FBXO34: variants seen among roughly 807,000 people sequenced by gnomAD.
FBXO34 encodes F-box only protein 34.
A neutral mutation model predicts 24.5 loss-of-function variants in FBXO34; 12 were observed. The observed-to-expected ratio is 0.49, with a 90% CI of 0.31 to 0.79. FBXO34 has a LOEUF of 0.79. Among genes scored for constraint, FBXO34 ranks in the 30% least tolerant of loss-of-function variants. The pLI is 0.04. For synonymous variants in FBXO34, 320 were observed against 311.9 expected (o/e 1.03, Z -0.27); for missense variants, 823 against 857.7 (o/e 0.96, Z 0.51).
chr14:55,285,347 G>A (rs903763706), intron 1 of FBXO34: 1 of 151,830 alleles, frequency 6.6e-6, no homozygotes, highest in African/African-American at 2.4e-5. Context: ...TCCAGCCTGG[G>A]CAACAAGAGC....
intron 1 of FBXO34, among the ~76,000 whole-genome samples, chr14:55,275,282 C>T (rs1281607691): frequency 6.6e-6 from 1 of 152,122 alleles, no homozygotes; most frequent in African/African-American, 2.4e-5. Context: ...ATTTCCTATC[C>T]TCAGTAGAGT....
chr14:55,433,534 G>T, the FBXO34 span: 2 of 1,151,672 alleles, frequency 1.7e-6, no homozygotes, highest in Non-Finnish European at 2.5e-6. Context: ...AAGGCATTTT[G>T]CTTCTACTAT....
intron 1 of FBXO34, among the ~76,000 whole-genome samples, chr14:55,284,020 G>A (rs1566539846): frequency 6.6e-6 from 1 of 151,176 alleles, no homozygotes; most frequent in African/African-American, 2.4e-5. Context: ...ATTTTTAGAG[G>A]TAGGGTCTCA....
downstream of FBXO34, chr14:55,369,678 T>G (rs771777297): frequency 6.3e-7 from 1 of 1,582,216 alleles, no homozygotes; most frequent in Non-Finnish European, 8.6e-7. Context: ...GCAGAGGAGA[T>G]CATCCCACCT....
At chr14:55,349,561 A>G (rs150016956) in intron 1 of FBXO34, among the ~76,000 whole-genome samples, 1 of 149,588 alleles carries the variant, frequency 6.7e-6, no homozygotes, top group Non-Finnish European at 1.5e-5. Context: ...ACATCTAAAT[A>G]TTCAGTATTC....
chr14:55,273,795 G>A lies in FBXO34; in HGVS notation c.-11+2258G>A, dbSNP rs74865934. On this transcript the variant is annotated intron_variant, in intron 1 of 1. Coordinates refer to ENST00000313833, the MANE Select transcript of FBXO34 (RefSeq NM_017943.4). The stretch of plus-strand genomic sequence containing the variant: ...CGGCTACACGGCTGTATGTAAGTTA[G>A]GTGTACTAGTTTTTTTGTATGTTTT... Among the ~76,000 whole-genome samples, 1,300 of 152,198 alleles carry A rather than the reference G, an allele frequency of 8.5e-3. 23 individuals are homozygous for A. The highest frequency in any genetic ancestry group is 0.03 in the African/African-American group (1,245 of 41,530).
At chr14:55,346,870 T>C (rs1175042183) in intron 1 of FBXO34, among the ~76,000 whole-genome samples, 1 of 152,240 alleles carries the variant, frequency 6.6e-6, no homozygotes, top group Admixed American at 6.5e-5. Flanking sequence ...CAGTATGGAC[T>C]GTCTGCTTGG....
the FBXO34 span, among the ~76,000 whole-genome samples, chr14:55,394,482 T>C: frequency 1.1e-4 from 17 of 152,194 alleles, no homozygotes; most frequent in Admixed American, 1.1e-3. Context: ...AAACTTTCCT[T>C]ATAAAGTCAT....
At chr14:55,340,735 G>T (rs1385739480) in intron 1 of FBXO34, among the ~76,000 whole-genome samples, 1 of 152,120 alleles carries the variant, frequency 6.6e-6, no homozygotes, top group East Asian at 1.9e-4. Context: ...GTGTCAGGTT[G>T]CATTTATACT....
intron 1 of FBXO34, among the ~76,000 whole-genome samples, chr14:55,343,650 A>G (rs763736279): frequency 6.6e-6 from 1 of 152,226 alleles, no homozygotes; most frequent in Non-Finnish European, 1.5e-5. Flanking sequence ...AGAAAGAAAC[A>G]TGAACTGTCG....
At position 55,350,979 on chromosome 14, in the gene FBXO34, G is replaced by A. The variant is rs1193632508; in HGVS notation, c.589G>A (p.Asp197Asn). 3 of 1,614,224 alleles carry A rather than the reference G, an allele frequency of 1.9e-6. No homozygotes were observed. In the East Asian group the frequency reaches 6.7e-5, roughly 36 times the overall value. The change falls in exon 2 of 2, where the codon GAT becomes AAT. Residue 197 changes from aspartate (D) to asparagine (N), a missense_variant. Around this residue, in one of 2 missense-constraint regions of FBXO34, gnomAD observed 693 missense variants for 659.1 expected, o/e 1.05. Coordinates refer to ENST00000313833, the MANE Select transcript of FBXO34 (RefSeq NM_017943.4). Reference protein sequence around the residue: ...CSVHYVSDSGDGVYAGRPLSV... With the variant: ...CSVHYVSDSGNGVYAGRPLSV... ...TGTGCACTATGTGAGTGACAGTGGG[G>A]ATGGAGTCTATGCTGGGAGGCCTCT...
At chr14:55,418,643 A>G in the FBXO34 span, among the ~76,000 whole-genome samples, 2 of 152,324 alleles carry the variant, frequency 1.3e-5, no homozygotes, top group Admixed American at 1.3e-4. Flanking sequence ...ATTTCCGAGA[A>G]GCACAGATGT....
At chr14:55,384,361 A>G in the FBXO34 span, among the ~76,000 whole-genome samples, 4 of 152,242 alleles carry the variant, frequency 2.6e-5, no homozygotes, top group African/African-American at 9.6e-5. Context: ...TCAATTCAGG[A>G]AAATATTATA....
the FBXO34 span, among the ~76,000 whole-genome samples, chr14:55,430,180 T>C: frequency 3.3e-5 from 5 of 152,034 alleles, no homozygotes; most frequent in Admixed American, 3.3e-4. Context: ...ACCTGCAGGG[T>C]GAATCAGGTG....
chr14:55,442,788 T>C, the FBXO34 span, among the ~76,000 whole-genome samples: 87 of 152,354 alleles, frequency 5.7e-4, no homozygotes, highest in Non-Finnish European at 4.1e-4. Context: ...TAGACTGTTA[T>C]AGACTGAATT....
intron 1 of FBXO34, among the ~76,000 whole-genome samples, chr14:55,329,198 T>C (rs1454274093): frequency 7.0e-6 from 1 of 142,938 alleles, no homozygotes; most frequent in Admixed American, 7.0e-5. Context: ...TGTCCCAGTC[T>C]TAAAATTGTT....
chr14:55,354,981 A>G (rs988141492), downstream of FBXO34: 14 of 152,238 alleles, frequency 9.2e-5, no homozygotes, highest in African/African-American at 3.4e-4. Flanking sequence ...CCACCAAAAA[A>G]GAGAAAACCT....
chr14:55,382,255 C>G, the FBXO34 span: 1 of 1,398,296 alleles, frequency 7.2e-7, no homozygotes, highest in South Asian at 1.2e-5. Context: ...TGCAATATAA[C>G]TGCAAGACAT....
chr14:55,339,424 C>T (rs965213871), intron 1 of FBXO34: 18 of 141,486 alleles, frequency 1.3e-4, no homozygotes, highest in Admixed American at 1.1e-3. Context: ...TTCCAAAGGC[C>T]CAAATTTTAC....
Sources: gnomAD v4.1 joint callset for allele counts (sites outside exome capture counted in the v4.1 genomes callset) on GRCh38, gnomAD v4.1.1 for gene constraint, gnomAD v4.1.1 regional missense constraint, MANE v1.5 for transcripts, NCBI Gene and HGNC (gene_info 2026-07-23, HGNC 2026-07-21) for gene names.